SAXO1: variants seen among roughly 807,000 people sequenced by gnomAD.
SAXO1 encodes the protein 4930500O09Rik.
In SAXO1, 21 loss-of-function variants were observed where a neutral mutation model predicts 17.5. The ratio of observed to expected loss-of-function variants is 1.20; its 90% CI spans 0.85 to 1.72. The LOEUF is 1.72. Among genes scored for constraint, SAXO1 ranks in the 40% most tolerant of loss-of-function variants. The pLI is 0.00. For synonymous variants in SAXO1, 274 were observed against 216.5 expected, an observed-to-expected ratio of 1.27 and a Z score of -2.33; for missense variants, 843 against 596.0, an observed-to-expected ratio of 1.41 and a Z score of -4.32.
chr9:18,974,257 A>G (rs1833051957), intron 1 of SAXO1, among the ~76,000 whole-genome samples: 3 of 152,370 alleles, frequency 2.0e-5, no homozygotes, highest in Admixed American at 2.0e-4. Context: ...AGACCTCTGG[A>G]GTGTTGGAAC....
intron 1 of SAXO1, among the ~76,000 whole-genome samples, chr9:19,023,156 C>T (rs976141962): frequency 4.4e-5 from 6 of 135,538 alleles, no homozygotes; most frequent in Non-Finnish European, 7.9e-5. Context: ...CCCACCCCCC[C>T]GCCCCACCGG....
At chr9:19,025,787 C>T (rs964106840) in intron 1 of SAXO1, among the ~76,000 whole-genome samples, 4 of 151,974 alleles carry the variant, frequency 2.6e-5, no homozygotes, top group Admixed American at 1.3e-4. Flanking sequence ...CAATTTTTTA[C>T]AAGAATTTTA....
intron 3 of SAXO1, among the ~76,000 whole-genome samples, chr9:18,938,830 G>GTGTGTTTGTGTA (rs1554667864): frequency 6.8e-6 from 1 of 147,766 alleles, no homozygotes; most frequent in Non-Finnish European, 1.5e-5. Context: ...GCGTGTGTGT[G>GTGTGTTTGTGTA]TGTGTGTGTG....
chr9:19,018,977 C>A (rs1044111784), intron 1 of SAXO1, among the ~76,000 whole-genome samples: 2 of 151,960 alleles, frequency 1.3e-5, no homozygotes, highest in Admixed American at 6.6e-5. Context: ...GGCTTGGTGG[C>A]GGGCACCTGT....
At chr9:19,036,535 C>G (rs1835944359), upstream of SAXO1, among the ~76,000 whole-genome samples, 1 of 152,256 alleles carries the variant, frequency 6.6e-6, no homozygotes, top group Middle Eastern at 3.4e-3. Context: ...CCCAGCTGCT[C>G]CAGCCATGGC....
intron 1 of SAXO1, among the ~76,000 whole-genome samples, chr9:18,981,363 G>A (rs1588475282): frequency 6.6e-6 from 1 of 152,142 alleles, no homozygotes; most frequent in South Asian, 2.1e-4. Context: ...GGAAACTGAG[G>A]CAAGTGATTT....
intron 1 of SAXO1, among the ~76,000 whole-genome samples, chr9:19,020,420 T>G (rs1289117491): frequency 6.6e-6 from 1 of 151,938 alleles, no homozygotes; most frequent in African/African-American, 2.4e-5. Flanking sequence ...CTCAGCTCAC[T>G]GCATCACTGC....
chr9:18,988,082 C>G (rs1833667421), intron 1 of SAXO1, among the ~76,000 whole-genome samples: 1 of 152,168 alleles, frequency 6.6e-6, no homozygotes, highest in South Asian at 2.1e-4. Context: ...CTAGCATCTG[C>G]TTAACTACAG....
chr9:19,042,789 G>A (rs1836108427), intron 1 of SAXO1, among the ~76,000 whole-genome samples: 1 of 152,126 alleles, frequency 6.6e-6, no homozygotes, highest in African/African-American at 2.4e-5. Flanking sequence ...TTGAACCGGG[G>A]AGGCGGAGGT....
chr9:19,032,953 C>A lies in SAXO1; in HGVS notation c.-45G>T. ...TGACGTCCCCTCAGAGCATCGCCAG[C>A]TGCAGCCGACTCCTAGACCCCAACC... On this transcript the variant is annotated 5_prime_UTR_variant, in exon 1 of 4. Coordinates refer to ENST00000380534, the MANE Select transcript of SAXO1 (RefSeq NM_153707.4). 1 of 1,581,748 alleles carries A rather than the reference C, an allele frequency of 6.3e-7. No homozygotes were observed. Among genetic ancestry groups the A allele is most frequent in the Non-Finnish European group, 8.6e-7 (1 of 1,166,696 alleles).
chr9:19,031,817 T>C (rs934975413), intron 1 of SAXO1, among the ~76,000 whole-genome samples: 1 of 152,220 alleles, frequency 6.6e-6, no homozygotes, highest in Non-Finnish European at 1.5e-5. Flanking sequence ...GTGATTCTAA[T>C]CAGCAGCCAG....
intron 1 of SAXO1, among the ~76,000 whole-genome samples, chr9:18,968,971 G>T (rs1357713383): frequency 1.3e-5 from 2 of 152,132 alleles, no homozygotes; most frequent in African/African-American, 4.8e-5. Flanking sequence ...TTGATGGATG[G>T]CTGGGATTGA....
At chr9:18,938,259 G>C (rs969720283) in intron 3 of SAXO1, among the ~76,000 whole-genome samples, 6 of 152,192 alleles carry the variant, frequency 3.9e-5, no homozygotes, top group Non-Finnish European at 7.3e-5. Context: ...GTCAGTTCTT[G>C]CACTGCTATA....
At chr9:18,959,809 T>A (rs973981526) in intron 1 of SAXO1, among the ~76,000 whole-genome samples, 5 of 150,624 alleles carry the variant, frequency 3.3e-5, no homozygotes, top group South Asian at 4.2e-4. Flanking sequence ...GTGTACAGCG[T>A]ACTCTAGGGA....
chr9:19,048,240 G>GGCA (rs769084674), intron 1 of SAXO1, among the ~76,000 whole-genome samples: 28 of 152,174 alleles, frequency 1.8e-4, no homozygotes, highest in Non-Finnish European at 3.8e-4. Flanking sequence ...CGAGGCAGGT[G>GGCA]GCTGGCTTGA....
At chr9:18,991,643 C>T (rs773251276) in intron 1 of SAXO1, among the ~76,000 whole-genome samples, 2 of 152,098 alleles carry the variant, frequency 1.3e-5, no homozygotes, top group Non-Finnish European at 2.9e-5. Flanking sequence ...TGAAGCAAAC[C>T]AACATGGCAC....
chr9:19,017,116 C>T (rs1016778601), intron 1 of SAXO1, among the ~76,000 whole-genome samples: 1 of 151,810 alleles, frequency 6.6e-6, no homozygotes, highest in African/African-American at 2.4e-5. Flanking sequence ...TGAGACCAGC[C>T]TGGACAACAT....
intron 1 of SAXO1, among the ~76,000 whole-genome samples, chr9:18,961,264 G>A (rs762716214): frequency 4.6e-5 from 7 of 151,864 alleles, no homozygotes; most frequent in African/African-American, 9.7e-5. Context: ...TCAACCTCCC[G>A]GGCTCAGGCC....
At position 18,950,829 on chromosome 9, in the gene SAXO1, G is replaced by T. The variant is rs1333368701; in HGVS notation, c.147C>A (p.Pro49=). ...CCCGCCTTGGCTTGAAGGACTCTCT[G>T]GGCAGGTAGGAGTGATAGAAAGGGT... The part of the protein sequence containing the change: ...ENYPFYHSYL[P]RESFKPRREY... Residue 49 remains proline, a synonymous_variant, in exon 2 of 4, where the codon CCC becomes CCA. Transcript: ENST00000380534. 6.2e-7 allele frequency: 1 copy of T among 1,613,824 alleles called. No individual in the cohort carries two copies. Among genetic ancestry groups the T allele is most frequent in the Non-Finnish European group, 8.5e-7 (1 of 1,179,780 alleles).
Sources: allele counts gnomAD v4.1 joint callset (sites outside exome capture counted in the v4.1 genomes callset), GRCh38; gene constraint gnomAD v4.1.1; transcripts MANE v1.5; gene names NCBI Gene and HGNC (gene_info 2026-07-23, HGNC 2026-07-21).